TXNDC8: variants seen among roughly 807,000 people sequenced by gnomAD.
TXNDC8 encodes the protein thioredoxin domain containing 8, also known as thioredoxin domain-containing protein 8.
A neutral mutation model predicts 12.9 loss-of-function variants in TXNDC8; 15 were observed. The ratio of observed to expected loss-of-function variants is 1.16; its 90% CI spans 0.78 to 1.79. TXNDC8 has a LOEUF of 1.79. Ranked by LOEUF, TXNDC8 falls within the 40% of genes most tolerant of loss-of-function variation. TXNDC8 has a pLI of 0.00. For synonymous variants in TXNDC8, 40 were observed against 35.4 expected (o/e 1.13, Z -0.46); for missense variants, 128 against 113.2 (o/e 1.13, Z -0.59).
chr9:110,305,676 T>C (rs1564093004), intron 3 of TXNDC8, among the ~76,000 whole-genome samples: 1 of 149,094 alleles, frequency 6.7e-6, no homozygotes, highest in African/African-American at 2.5e-5. Flanking sequence ...TTCTCTTTCT[T>C]ACTCTCTTTC....
downstream of TXNDC8, among the ~76,000 whole-genome samples, chr9:110,303,302 C>T (rs539504193): frequency 6.6e-6 from 1 of 152,298 alleles, no homozygotes; most frequent in South Asian, 2.1e-4. Flanking sequence ...GTGCTCAGAG[C>T]AAGTGGGAAG....
At chr9:110,303,399 A>G, downstream of TXNDC8, 1 of 1,146,552 alleles carries the variant, frequency 8.7e-7, no homozygotes, top group Non-Finnish European at 1.2e-6. Flanking sequence ...ATGGTATTCA[A>G]CCAGCAAAGC....
At chr9:110,303,466 A>G (rs1404721328), downstream of TXNDC8, 65 of 1,499,294 alleles carry the variant, frequency 4.3e-5, no homozygotes, top group Non-Finnish European at 5.6e-5. Flanking sequence ...AAGCACAAAC[A>G]CATTTGCTCT....
chr9:110,308,301 T>C (rs2118712383), intron 3 of TXNDC8, among the ~76,000 whole-genome samples: 1 of 152,298 alleles, frequency 6.6e-6, no homozygotes, highest in African/African-American at 2.4e-5. Context: ...TTATAGAGTC[T>C]GAGGTTGCTC....
chr9:110,329,684 G>A (rs544101101), intron 2 of TXNDC8, among the ~76,000 whole-genome samples: 1 of 152,176 alleles, frequency 6.6e-6, no homozygotes, highest in East Asian at 1.9e-4. Flanking sequence ...ACAGTTCTCC[G>A]AGCCAAACTC....
intron 3 of TXNDC8, among the ~76,000 whole-genome samples, chr9:110,306,687 ATTG>A (rs1838482039): frequency 6.6e-6 from 1 of 152,130 alleles, no homozygotes; most frequent in Non-Finnish European, 1.5e-5. Context: ...ACTTTTTACT[ATTG>A]TTGTGTTATT....
chr9:110,327,289 T>A (rs1457080340), intron 2 of TXNDC8, among the ~76,000 whole-genome samples: 1 of 151,780 alleles, frequency 6.6e-6, no homozygotes, highest in Non-Finnish European at 1.5e-5. Context: ...GAAATTTTGT[T>A]TACACAAAAA....
chr9:110,337,842 T>G lies in TXNDC8; in HGVS notation c.-46A>C. 1.6e-5 allele frequency: 26 copies of G among 1,590,682 alleles called. No individual in the cohort carries two copies. The highest frequency in any genetic ancestry group is 2.2e-5 in the Non-Finnish European group (26 of 1,159,178). ...GATGAAAATCCCCTGTTGGTTTAGT[T>G]GGATCACTGTAGCTGTCTCCTATTT... On this transcript the variant is annotated 5_prime_UTR_variant, in exon 1 of 5. Coordinates refer to ENST00000423740, the MANE Select transcript of TXNDC8 (RefSeq NM_001286946.2).
intron 2 of TXNDC8, 61 bp downstream of exon 3, chr9:110,329,171 G>A (rs954072939): frequency 7.4e-7 from 1 of 1,358,982 alleles, no homozygotes; most frequent in Non-Finnish European, 1.0e-6. Flanking sequence ...CTGAGACAGT[G>A]CTATTCAATT....
In TXNDC8 at chr9:110,305,666, TTCTC is replaced by T. The variant is rs1838429507; in HGVS notation, c.196-1138_196-1135del. Reference sequence around the variant, plus strand: ...TCTTTCTATTTTCTTCTTTCTTTCTTTCTCTTTCTTACTCTCTTTCTTTCTCCTC... The same window carrying T: ...TCTTTCTATTTTCTTCTTTCTTTCTTTTTCTTACTCTCTTTCTTTCTCCTC... On this transcript the variant is annotated intron_variant, in intron 3 of 4. Coordinates refer to ENST00000423740, the MANE Select transcript of TXNDC8 (RefSeq NM_001286946.2). Among the ~76,000 whole-genome samples, 2 of 144,282 alleles carry T rather than the reference TTCTC, an allele frequency of 1.4e-5. 1 individual carries two copies. Among genetic ancestry groups the T allele is most frequent in the African/African-American group, 5.0e-5 (2 of 39,762 alleles). The allele number at this position is 144,282 out of a possible 152,430, so 94.7% of individuals were successfully genotyped here.
chr9:110,311,829 CTA>C (rs1012681745), intron 3 of TXNDC8, among the ~76,000 whole-genome samples: 2 of 143,268 alleles, frequency 1.4e-5, no homozygotes, highest in African/African-American at 5.1e-5. Context: ...ATACTATATA[CTA>C]TATATATACT....
chr9:110,332,952 C>T (rs1257667205), intron 2 of TXNDC8, among the ~76,000 whole-genome samples: 6 of 152,168 alleles, frequency 3.9e-5, no homozygotes, highest in African/African-American at 7.2e-5. Context: ...ACCTGGAGGA[C>T]ATCATGCTAA....
chr9:110,335,629 T>C (rs1456258153), intron 1 of TXNDC8, among the ~76,000 whole-genome samples: 5 of 152,070 alleles, frequency 3.3e-5, no homozygotes, highest in Non-Finnish European at 7.4e-5. Flanking sequence ...AGCTGGTGAG[T>C]GGTGTAGCTG....
At chr9:110,312,276 A>C (rs1309440648) in intron 3 of TXNDC8, among the ~76,000 whole-genome samples, 1 of 152,242 alleles carries the variant, frequency 6.6e-6, no homozygotes, top group Non-Finnish European at 1.5e-5. Context: ...ATGGCAATAC[A>C]GTTATGGCAT....
At chr9:110,307,779 C>T (rs1838519118) in intron 3 of TXNDC8, among the ~76,000 whole-genome samples, 2 of 152,168 alleles carry the variant, frequency 1.3e-5, no homozygotes, top group Admixed American at 6.5e-5. Flanking sequence ...CCTGGAAGCC[C>T]CCTCCCCGCT....
intron 3 of TXNDC8, among the ~76,000 whole-genome samples, chr9:110,320,085 A>T (rs1839033246): frequency 6.6e-6 from 1 of 152,222 alleles, no homozygotes; most frequent in Admixed American, 6.5e-5. Context: ...TTCTATAATC[A>T]AAGAATGAAA....
At chr9:110,322,772 G>C in intron 3 of TXNDC8, 1 of 985,568 alleles carries the variant, frequency 1.0e-6, no homozygotes, top group East Asian at 1.1e-4. Context: ...CAGGAGGAGA[G>C]GCTGAGCTGG....
chr9:110,333,012 A>G (rs575894602), intron 2 of TXNDC8, among the ~76,000 whole-genome samples: 33 of 152,236 alleles, frequency 2.2e-4, no homozygotes, highest in Non-Finnish European at 4.3e-4. Flanking sequence ...TTCAATTTTT[A>G]TGAAGTATGT....
At chr9:110,329,648 A>G (rs1376565698) in intron 2 of TXNDC8, among the ~76,000 whole-genome samples, 4 of 152,040 alleles carry the variant, frequency 2.6e-5, no homozygotes, top group Non-Finnish European at 4.4e-5. Context: ...CAGTTGGGGG[A>G]GTCTGTCTTC....
Sources: gnomAD v4.1 joint callset for allele counts (sites outside exome capture counted in the v4.1 genomes callset) on GRCh38, gnomAD v4.1.1 for gene constraint, MANE v1.5 for transcripts, NCBI Gene and HGNC (gene_info 2026-07-23, HGNC 2026-07-21) for gene names.